Variants in DNAH11 observed in about 807,000 individuals in gnomAD.
DNAH11 encodes the protein dynein axonemal heavy chain 11, also known as axonemal beta dynein heavy chain 11.
In DNAH11, 442 loss-of-function variants were observed where a neutral mutation model predicts 526.0. That is an observed-to-expected ratio of 0.84 (90% CI 0.78 to 0.91). The LOEUF (loss-of-function observed/expected upper bound fraction) is 0.91. Ranked by LOEUF, DNAH11 falls within the 40% of genes least tolerant of loss-of-function variation. The pLI, the probability that DNAH11 is intolerant of heterozygous loss-of-function variation, is 0.00. For synonymous variants in DNAH11, 2,461 were observed against 1,935.9 expected (o/e 1.27, Z -7.12); for missense variants, 6,989 against 5,448.7 (o/e 1.28, Z -8.90).
intron 34 of DNAH11, among the ~76,000 whole-genome samples, 155 bp downstream of exon 34, chr7:21,687,682 C>G (rs538371865): frequency 6.7e-4 from 102 of 152,280 alleles, no homozygotes; most frequent in African/African-American, 2.3e-3. Context: ...TGAATAGTCT[C>G]CCATTTTTAT....
At chr7:21,584,664 G>A (rs955872874) in intron 9 of DNAH11, among the ~76,000 whole-genome samples, 4 of 152,100 alleles carry the variant, frequency 2.6e-5, no homozygotes, top group African/African-American at 9.7e-5. Flanking sequence ...GAAATGTACA[G>A]CCTGTTGTTA....
intron 79 of DNAH11, among the ~76,000 whole-genome samples, chr7:21,895,560 G>C (rs1203429303): frequency 1.3e-5 from 2 of 152,090 alleles, no homozygotes; most frequent in South Asian, 4.2e-4. Flanking sequence ...ATTGCTCCTT[G>C]GTCTTGGCAA....
In DNAH11 at chr7:21,600,132, T is replaced by C. The variant is rs1359567923; in HGVS notation, c.3000+13T>C. The C allele has an allele frequency of 6.5e-7, 1 of 1,530,640 alleles. No homozygotes were observed. The highest frequency in any genetic ancestry group is 1.4e-5 in the African/African-American group (1 of 71,998). 94.8% of individuals were successfully genotyped at this position (1,530,640 alleles called of 1,614,324 possible). A position where few individuals can be genotyped will look rare whatever the true frequency, so the allele number is the denominator to read the frequency against. ...TAAAAATTATCAGGTATTTTCTTAG[T>C]AAATGGGTATTTAGCTTTTATATTA... On this transcript the variant is annotated intron_variant, in intron 15 of 81. Transcript: ENST00000409508.
chr7:21,649,081 A>G (rs2128463157), intron 28 of DNAH11, among the ~76,000 whole-genome samples: 1 of 152,338 alleles, frequency 6.6e-6, no homozygotes, highest in South Asian at 2.1e-4. Flanking sequence ...AAACACATAT[A>G]CTTGCTCATA....
At chr7:21,659,764 C>T (rs1354119795) in intron 30 of DNAH11, among the ~76,000 whole-genome samples, 2 of 152,026 alleles carry the variant, frequency 1.3e-5, no homozygotes, top group East Asian at 3.9e-4. Flanking sequence ...GAATGCTTCC[C>T]AATGCTCCTC....
chr7:21,544,362 A>T (rs1165817854), intron 1 of DNAH11, among the ~76,000 whole-genome samples: 1 of 152,232 alleles, frequency 6.6e-6, no homozygotes, highest in East Asian at 1.9e-4. Flanking sequence ...TCAGAGAAGA[A>T]AGAGTAATAG....
chr7:21,619,943 T>G lies in DNAH11; in HGVS notation c.4378-13T>G. 6.3e-7 allele frequency: 1 copy of G among 1,584,560 alleles called. No individual in the cohort carries two copies. ...TAAATTTTGTGCACATTAATTATAT[T>G]GTTGATTACTAGGTTATTACTGAAA... is the stretch of plus-strand genomic sequence containing the variant. On this transcript the variant is annotated splice_polypyrimidine_tract_variant and intron_variant, in intron 24 of 81. Coordinates refer to ENST00000409508, the MANE Select transcript of DNAH11 (RefSeq NM_001277115.2).
chr7:21,720,074 A>G (rs1451012812), intron 43 of DNAH11, among the ~76,000 whole-genome samples: 1 of 152,224 alleles, frequency 6.6e-6, no homozygotes, highest in African/African-American at 2.4e-5. Context: ...GAGAGTATGA[A>G]GAACACGTTC....
At chr7:21,674,917 T>C (rs1305537841) in intron 30 of DNAH11, among the ~76,000 whole-genome samples, 2 of 152,110 alleles carry the variant, frequency 1.3e-5, no homozygotes, top group African/African-American at 4.8e-5. Flanking sequence ...GAAGCCCGCT[T>C]GACTCTTCTT....
At chr7:21,556,665 A>G (rs1783230308) in intron 2 of DNAH11, among the ~76,000 whole-genome samples, 1 of 151,850 alleles carries the variant, frequency 6.6e-6, no homozygotes, top group Non-Finnish European at 1.5e-5. Context: ...TTTAGTCCTC[A>G]CCCTCCTTCC....
chr7:21,601,236 G>C, intron 17 of DNAH11, 57 bp downstream of exon 17: 1 of 1,534,110 alleles, frequency 6.5e-7, no homozygotes, highest in Non-Finnish European at 8.8e-7. Context: ...TTCTAAAACT[G>C]AGATGTTACT....
intron 70 of DNAH11, 54 bp from the exon 71 acceptor site, chr7:21,866,416 A>G (rs1161411540): frequency 2.0e-6 from 3 of 1,516,490 alleles, no homozygotes; most frequent in African/African-American, 2.8e-5. Context: ...TCTTCTTCTC[A>G]AACTGTAAAG....
intron 68 of DNAH11, among the ~76,000 whole-genome samples, chr7:21,857,282 C>A (rs1475062684): frequency 6.6e-6 from 1 of 152,010 alleles, no homozygotes; most frequent in Non-Finnish European, 1.5e-5. Flanking sequence ...GGTTTGTATT[C>A]TAAAAACTCC....
At position 21,807,973 on chromosome 7, in the gene DNAH11, C is replaced by G. The variant is rs776561202; in HGVS notation, c.10256C>G (p.Ser3419Cys). ...GDVLLTAAFV[S>C]YVGPFTRQYR... ...GTTCTTCTCACGGCGGCATTTGTGT[C>G]TTACGTCGGACCCTTCACAAGGCAG... The change falls in exon 63 of 82, where the codon TCT (serine) becomes TGT (cysteine). Residue 3419 changes from serine to cysteine, a missense_variant. Physicochemically the swap from Ser to Cys is moderately radical, Grantham distance 112 (BLOSUM62 -1). Coordinates refer to ENST00000409508, the MANE Select transcript of DNAH11 (RefSeq NM_001277115.2). 1.9e-6 allele frequency: 3 copies of G among 1,607,512 alleles called. No individual in the cohort carries two copies. Among genetic ancestry groups the G allele is most frequent in the East Asian group, 2.2e-5 (1 of 44,790 alleles).
intron 25 of DNAH11, among the ~76,000 whole-genome samples, chr7:21,631,706 G>A (rs1786618511): frequency 6.6e-6 from 1 of 152,224 alleles, no homozygotes; most frequent in Non-Finnish European, 1.5e-5. Context: ...GTCTTGGGCA[G>A]CTCCGCCTCT....
At chr7:21,549,209 C>G (rs1782923355) in intron 2 of DNAH11, among the ~76,000 whole-genome samples, 1 of 152,186 alleles carries the variant, frequency 6.6e-6, no homozygotes, top group South Asian at 2.1e-4. Flanking sequence ...CTTATTTCCC[C>G]ATGCATCCTT....
chr7:21,626,922 T>C (rs1053522001), intron 25 of DNAH11, among the ~76,000 whole-genome samples: 4 of 151,900 alleles, frequency 2.6e-5, no homozygotes, highest in African/African-American at 9.7e-5. Flanking sequence ...GGCTAATTTT[T>C]TGTATTTTTA....
chr7:21,710,467 T>C, intron 40 of DNAH11, 86 bp from the exon 41 acceptor site: 1 of 1,302,122 alleles, frequency 7.7e-7, no homozygotes, highest in Non-Finnish European at 1.0e-6. Flanking sequence ...CAAAATCGTT[T>C]TTATTTAGTT....
chr7:21,605,060 G>A (rs1785231207), intron 18 of DNAH11, among the ~76,000 whole-genome samples: 1 of 152,194 alleles, frequency 6.6e-6, no homozygotes, highest in African/African-American at 2.4e-5. Flanking sequence ...CTGTTGTGTA[G>A]AATAGTTATT....
Sources: gnomAD v4.1 joint callset for allele counts (sites outside exome capture counted in the v4.1 genomes callset) on GRCh38, gnomAD v4.1.1 for gene constraint, MANE v1.5 for transcripts, NCBI Gene and HGNC (gene_info 2026-07-23, HGNC 2026-07-21) for gene names.